The following FBLN5 variants were observed in gnomAD, a reference collection of about 807,000 sequenced individuals.
The protein encoded by FBLN5 is fibulin-5.
In FBLN5, 24 loss-of-function variants were observed where a neutral mutation model predicts 61.6. That is an observed-to-expected ratio of 0.39 (90% CI 0.28 to 0.55). The LOEUF (loss-of-function observed/expected upper bound fraction) is 0.55, where lower values mean the gene tolerates loss of function less well. Ranked by LOEUF, FBLN5 falls within the 20% of genes least tolerant of loss-of-function variation. The pLI is 0.65. For missense variants in FBLN5, 470 were observed against 594.1 expected (o/e 0.79, Z 2.17); for synonymous variants, 213 against 219.8 (o/e 0.97, Z 0.27).
At position 91,940,605 on chromosome 14, in the gene FBLN5, C is replaced by T. The variant is rs769640233; in HGVS notation, c.84G>A (p.Thr28=). Residue 28 remains threonine, a synonymous_variant, in exon 3 of 11, where the codon ACG becomes ACA. Coordinates refer to ENST00000342058, the MANE Select transcript of FBLN5 (RefSeq NM_006329.4). ...PSPGNAQAQC[T]NGFDLDRQSG... is the part of the protein sequence containing the mutation. ...ACTGGCGATCCAGGTCAAAGCCATT[C>T]GTGCACTGTGCCTGCAGGGAAGGAG... 8.1e-6 allele frequency: 13 copies of T among 1,613,988 alleles called. No homozygotes were observed. Among genetic ancestry groups the T allele is most frequent in the East Asian group, 2.2e-5 (1 of 44,882 alleles).
At chr14:91,877,904 C>T (rs2139950622) in intron 9 of FBLN5, 1 of 641,220 alleles carries the variant, frequency 1.6e-6, no homozygotes, top group Non-Finnish European at 2.9e-6. Flanking sequence ...ACCAGATGTT[C>T]TGGCTACTAA....
At chr14:91,932,709 G>C (rs1458376359) in intron 4 of FBLN5, among the ~76,000 whole-genome samples, 2 of 152,162 alleles carry the variant, frequency 1.3e-5, no homozygotes. Flanking sequence ...AGAAAATATA[G>C]GGGACGAAGG....
chr14:91,916,418 G>A (rs1891200485), intron 4 of FBLN5, among the ~76,000 whole-genome samples: 1 of 152,256 alleles, frequency 6.6e-6, no homozygotes, highest in Non-Finnish European at 1.5e-5. Context: ...CTGCACTCCT[G>A]CCTGGGTGAC....
intron 7 of FBLN5, among the ~76,000 whole-genome samples, chr14:91,885,124 G>A (rs1017318491): frequency 6.6e-6 from 1 of 152,190 alleles, no homozygotes; most frequent in African/African-American, 2.4e-5. Flanking sequence ...AAGGGGTTAA[G>A]TAGGAAGGTG....
intron 4 of FBLN5, among the ~76,000 whole-genome samples, chr14:91,908,369 T>C (rs1890772461): frequency 6.6e-6 from 1 of 152,184 alleles, no homozygotes; most frequent in Non-Finnish European, 1.5e-5. Flanking sequence ...TTAGCAGCAT[T>C]TGGCACAGTG....
chr14:91,879,477 G>A (rs570232544), intron 9 of FBLN5, among the ~76,000 whole-genome samples: 1 of 152,342 alleles, frequency 6.6e-6, no homozygotes, highest in South Asian at 2.1e-4. Context: ...GAGTGAGGGA[G>A]TCACGGAGCA....
chr14:91,893,859 G>A (rs1340286577), intron 5 of FBLN5, among the ~76,000 whole-genome samples: 1 of 152,214 alleles, frequency 6.6e-6, no homozygotes, highest in Non-Finnish European at 1.5e-5. Flanking sequence ...TTGGTGGCGG[G>A]GAAGGGCAAA....
chr14:91,914,671 CA>C (rs1024839819), intron 4 of FBLN5, among the ~76,000 whole-genome samples: 5 of 151,066 alleles, frequency 3.3e-5, no homozygotes, highest in Non-Finnish European at 4.4e-5. Context: ...GAAACAAATC[CA>C]AAACATAGAA....
chr14:91,914,785 C>G (rs952255060), intron 4 of FBLN5, among the ~76,000 whole-genome samples: 4 of 150,810 alleles, frequency 2.7e-5, no homozygotes, highest in Non-Finnish European at 5.9e-5. Flanking sequence ...AAACAGCAAA[C>G]TGATATGACT....
At chr14:91,920,701 T>G (rs530945045) in intron 4 of FBLN5, among the ~76,000 whole-genome samples, 9 of 152,296 alleles carry the variant, frequency 5.9e-5, no homozygotes, top group Admixed American at 2.6e-4. Context: ...AGCAGCCTTG[T>G]GGTGGTTTAT....
At chr14:91,914,505 C>T (rs1191315303) in intron 4 of FBLN5, among the ~76,000 whole-genome samples, 1 of 97,184 alleles carries the variant, frequency 1.0e-5, no homozygotes, top group Non-Finnish European at 2.2e-5. Context: ...AAAAAAACAA[C>T]AAATATTAGC....
intron 4 of FBLN5, among the ~76,000 whole-genome samples, chr14:91,902,883 G>A (rs1181902622): frequency 1.3e-5 from 2 of 152,090 alleles, no homozygotes; most frequent in Non-Finnish European, 2.9e-5. Flanking sequence ...CTTATAAGTG[G>A]GAACTGACCA....
At chr14:91,928,086 A>G (rs1014857461) in intron 4 of FBLN5, among the ~76,000 whole-genome samples, 1 of 152,172 alleles carries the variant, frequency 6.6e-6, no homozygotes, top group African/African-American at 2.4e-5. Flanking sequence ...AAAGCCATCT[A>G]CCACTGAGGG....
At chr14:91,912,145 G>C (rs1890974555) in intron 4 of FBLN5, among the ~76,000 whole-genome samples, 1 of 152,184 alleles carries the variant, frequency 6.6e-6, no homozygotes, top group Admixed American at 6.5e-5. Context: ...CTAAAATAAG[G>C]AAGTTCTAAC....
rs576652662 is a variant in FBLN5, at chr14:91,929,111, A to C, written c.379+7836T>G. Reference sequence around the variant, plus strand: ...CACACACACACACACACACACACACACACCCCACACACACACATGATACAG... The same window carrying C: ...CACACACACACACACACACACACACCCACCCCACACACACACATGATACAG... On this transcript the variant is annotated intron_variant, in intron 4 of 10. Coordinates refer to ENST00000342058, the MANE Select transcript of FBLN5 (RefSeq NM_006329.4). Among the ~76,000 whole-genome samples the C allele has an allele frequency of 3.7e-4, 51 of 137,602 alleles. No individual in the cohort carries two copies. In the South Asian group the frequency reaches 0.011, roughly 30 times the overall value. 90.3% of individuals were successfully genotyped at this position (137,602 alleles called of 152,430 possible). A position where few individuals can be genotyped will look rare whatever the true frequency, so the allele number is the denominator to read the frequency against.
In FBLN5 at chr14:91,891,321, G is replaced by A. The variant is rs1889985699; in HGVS notation, c.519C>T (p.Arg173=). The A allele has an allele frequency of 6.2e-7, 1 of 1,612,278 alleles. No individual in the cohort carries two copies. Among genetic ancestry groups the A allele is most frequent in the Non-Finnish European group, 8.5e-7 (1 of 1,178,304 alleles). ...CACAGAGCTGCTGGCAGTAACCATA[G>A]CGACATTCATCAATGTCTGGAAACA... is the stretch of plus-strand genomic sequence containing the variant. ...EGQCLDIDEC[R]YGYCQQLCAN... is the part of the protein sequence containing the mutation. Residue 173 remains arginine (R), a synonymous_variant, in exon 6 of 11, where the codon CGC becomes CGT. Coordinates refer to ENST00000342058, the MANE Select transcript of FBLN5 (RefSeq NM_006329.4).
chr14:91,897,200 A>G (rs1213513413), intron 4 of FBLN5, among the ~76,000 whole-genome samples: 5 of 151,976 alleles, frequency 3.3e-5, no homozygotes, highest in Admixed American at 6.6e-5. Context: ...CCTCAGTGGC[A>G]AAGACCCAGC....
rs563231614 is a variant in FBLN5, at chr14:91,885,307, A to C, written c.739+1886T>G. ...AACTGAAAATCTTGGCCAAATCGGC[A>C]TGGATGTAAGCTTCTCAAGAAGCCA... On this transcript the variant is annotated intron_variant, in intron 7 of 10. Transcript: ENST00000342058. Among the ~76,000 whole-genome samples, 4 of 152,336 alleles carry C rather than the reference A, an allele frequency of 2.6e-5. No individual in the cohort carries two copies. In the East Asian group the frequency reaches 7.7e-4, roughly 29 times the overall value.
chr14:91,898,470 GT>G (rs1359113508), intron 4 of FBLN5, among the ~76,000 whole-genome samples: 2 of 152,132 alleles, frequency 1.3e-5, no homozygotes, highest in Non-Finnish European at 2.9e-5. Context: ...TGTTCACACG[GT>G]GGGCTTTCTC....
Sources: gnomAD v4.1 joint callset for allele counts (sites outside exome capture counted in the v4.1 genomes callset) on GRCh38, gnomAD v4.1.1 for gene constraint, MANE v1.5 for transcripts, NCBI Gene and HGNC (gene_info 2026-07-23, HGNC 2026-07-21) for gene names.